The following CHRNB3 variants were observed in gnomAD, a reference collection of about 807,000 sequenced individuals.
The protein encoded by CHRNB3 is cholinergic receptor nicotinic beta 3 subunit.
CHRNB3 carries 37 observed loss-of-function variants against 40.6 expected under a neutral mutation model. The observed-to-expected ratio is 0.91, with a 90% CI of 0.70 to 1.20. CHRNB3 has a LOEUF of 1.20. Among genes scored for constraint, CHRNB3 ranks in the 50% most tolerant of loss-of-function variants. The probability of loss-of-function intolerance (pLI) is 0.00; values close to 1 mark genes in which losing one functional copy is unlikely to be tolerated. For missense variants in CHRNB3, 505 were observed against 551.2 expected, an observed-to-expected ratio of 0.92 and a Z score of 0.84; for synonymous variants, 207 against 207.1, an observed-to-expected ratio of 1.00 and a Z score of 0.00.
At chr8:42,734,077 G>A (rs1455383570) in intron 5 of CHRNB3, among the ~76,000 whole-genome samples, 1 of 150,694 alleles carries the variant, frequency 6.6e-6, no homozygotes, top group Non-Finnish European at 1.5e-5. Context: ...CCAACGTGGT[G>A]AAACCTGATC....
At position 42,708,634 on chromosome 8, in the gene CHRNB3, C is replaced by T. The variant is rs116163030; in HGVS notation, c.53-83C>T. On this transcript the variant is annotated intron_variant, in intron 1 of 5. Transcript: ENST00000289957. ...CAGACACAGCCTATGGTGCAGGAGG[C>T]CAAGGCCACAGGAGCCATGGGACAC... 3,102 of 1,484,876 alleles carry T rather than the reference C, an allele frequency of 2.1e-3. 58 individuals are homozygous for T. The African/African-American group carries it at 0.039, about 18-fold the overall frequency. The allele number at this position is 1,484,876 out of a possible 1,614,324, so 92.0% of individuals were successfully genotyped here.
At chr8:42,712,366 A>G (rs185375300) in intron 3 of CHRNB3, among the ~76,000 whole-genome samples, 1 of 152,158 alleles carries the variant, frequency 6.6e-6, no homozygotes, top group South Asian at 2.1e-4. Context: ...TCTTTCTGCT[A>G]ATGCTTTATA....
chr8:42,718,634 C>G (rs1163453815), intron 3 of CHRNB3, among the ~76,000 whole-genome samples: 1 of 134,390 alleles, frequency 7.4e-6, no homozygotes, highest in African/African-American at 2.8e-5. Flanking sequence ...GATGGCGCCA[C>G]TGCGCTCCAG....
intron 5 of CHRNB3, among the ~76,000 whole-genome samples, chr8:42,734,545 G>A (rs997704096): frequency 6.7e-6 from 1 of 150,214 alleles, no homozygotes; most frequent in African/African-American, 2.5e-5. Context: ...TCAGCCTCCC[G>A]AGTAGCTGGG....
At chr8:42,729,967 C>T (rs139970800) in intron 3 of CHRNB3, among the ~76,000 whole-genome samples, 93 of 152,210 alleles carry the variant, frequency 6.1e-4, no homozygotes, top group Non-Finnish European at 1.0e-3. Flanking sequence ...AATGTGTAAG[C>T]GCCTGGAGGC....
intron 1 of CHRNB3, among the ~76,000 whole-genome samples, chr8:42,703,056 G>A (rs1034466540): frequency 1.3e-5 from 2 of 152,042 alleles, no homozygotes; most frequent in African/African-American, 2.4e-5. Context: ...TGGCTTTATT[G>A]TCTTAGCTTC....
intron 2 of CHRNB3, among the ~76,000 whole-genome samples, chr8:42,709,669 C>G (rs977453941): frequency 6.6e-6 from 1 of 152,144 alleles, no homozygotes; most frequent in Non-Finnish European, 1.5e-5. Context: ...GACTCTGTTT[C>G]ACACAGGCTG....
intron 3 of CHRNB3, among the ~76,000 whole-genome samples, chr8:42,723,495 T>C (rs1176874567): frequency 6.6e-6 from 1 of 152,162 alleles, no homozygotes; most frequent in Non-Finnish European, 1.5e-5. Context: ...CATTTTAAGC[T>C]ACAGGTTTTC....
At chr8:42,734,072 G>C (rs1816474869) in intron 5 of CHRNB3, among the ~76,000 whole-genome samples, 1 of 150,630 alleles carries the variant, frequency 6.6e-6, no homozygotes, top group East Asian at 2.1e-4. Flanking sequence ...CCTGGCCAAC[G>C]TGGTGAAACC....
chr8:42,706,054 G>A (rs1815917873), intron 1 of CHRNB3: 1 of 152,210 alleles, frequency 6.6e-6, no homozygotes, highest in Non-Finnish European at 1.5e-5. Flanking sequence ...TCTACTGGAA[G>A]ATGAAGTACC....
At chr8:42,716,697 G>A (rs550709924) in intron 3 of CHRNB3, among the ~76,000 whole-genome samples, 4 of 152,098 alleles carry the variant, frequency 2.6e-5, no homozygotes, top group Non-Finnish European at 5.9e-5. Context: ...CTGACATGGT[G>A]CCGTGGTGGC....
In CHRNB3 at chr8:42,730,745, A is replaced by T. The variant is rs775156000; in HGVS notation, c.359+42A>T. 3.6e-6 allele frequency: 5 copies of T among 1,394,370 alleles called. No homozygotes were observed. The South Asian group carries it at 6.4e-5, about 18-fold the overall frequency. The allele number at this position is 1,394,370 out of a possible 1,614,324, so 86.4% of individuals were successfully genotyped here. ...TTCTTACTTATGGGGAAAAAAATAA[A>T]TTTTTTAAAAAGTGAAAAAAAGGCT... On this transcript the variant is annotated intron_variant, in intron 4 of 5. Transcript: ENST00000289957.
chr8:42,725,826 T>C, intron 3 of CHRNB3: 9 of 829,528 alleles, frequency 1.1e-5, no homozygotes, highest in Non-Finnish European at 1.9e-5. Flanking sequence ...TCACATAAGT[T>C]TCCACTATAC....
rs76467184 is a variant in CHRNB3 at position 42,731,835 on chromosome 8, T to C, written c.528T>C (p.Tyr176=). ...CCATGAAGTTTGGATCCTGGACTTA[T>C]GATGGCACCATGGTTGACCTCATTT... ...NCSMKFGSWT[Y]DGTMVDLILI... Residue 176 remains tyrosine, a synonymous_variant, in exon 5 of 6, where the codon TAT becomes TAC. Coordinates refer to ENST00000289957, the MANE Select transcript of CHRNB3 (RefSeq NM_000749.5). The C allele has an allele frequency of 2.0e-4, 325 of 1,614,106 alleles. 2 individuals are homozygous for C. Among genetic ancestry groups the C allele is most frequent in the Admixed American group, 1.9e-3 (111 of 59,998 alleles).
chr8:42,699,374 A>G (rs1278328373), intron 1 of CHRNB3: 2 of 152,328 alleles, frequency 1.3e-5, no homozygotes, highest in Admixed American at 6.5e-5. Flanking sequence ...GTGTTTATTC[A>G]TTCAATAAAT....
At position 42,736,503 on chromosome 8, in the gene CHRNB3, T is replaced by G; in HGVS notation, c.1262T>G (p.Phe421Cys). ...FISQVVQDWKFVAQVLDRIFL... is the reference protein window; with the variant it reads ...FISQVVQDWKCVAQVLDRIFL... ...TTGCAGGTAGTACAAGACTGGAAAT[T>G]TGTAGCTCAAGTTCTTGACCGAATC... The change falls in exon 6 of 6, where the codon TTT (phenylalanine) becomes TGT (cysteine). Residue 421 changes from phenylalanine to cysteine, a missense_variant. By Grantham distance (205) the Phe-to-Cys change is radical (BLOSUM62 -2). Transcript: ENST00000289957. 6.2e-7 allele frequency: 1 copy of G among 1,614,212 alleles called. No individual in the cohort carries two copies. The highest frequency in any genetic ancestry group is 8.5e-7 in the Non-Finnish European group (1 of 1,180,044).
At chr8:42,705,194 G>A (rs974936233) in intron 1 of CHRNB3, among the ~76,000 whole-genome samples, 2 of 152,130 alleles carry the variant, frequency 1.3e-5, no homozygotes, top group Admixed American at 6.6e-5. Context: ...ATGTGCCATA[G>A]GCCATTCCCA....
chr8:42,731,922 C>T lies in CHRNB3; in HGVS notation c.615C>T (p.Asn205=), dbSNP rs4952. 64,119 of 1,614,024 alleles carry T rather than the reference C, an allele frequency of 0.04. 1,728 individuals are homozygous for T. Among genetic ancestry groups the T allele is most frequent in the Middle Eastern group, 0.11 (645 of 6,062 alleles). The change falls in exon 5 of 6, where the codon AAC becomes AAT. Residue 205 remains asparagine, a synonymous_variant. Coordinates refer to ENST00000289957, the MANE Select transcript of CHRNB3 (RefSeq NM_000749.5). ...ATAACGGAGAATGGGAAATACTGAA[C>T]GCAAAGGGGATGAAGGGGAACAGAA... ...FFDNGEWEIL[N]AKGMKGNRRD...
Position 42,732,381 on chromosome 8 carries a change from C to G in CHRNB3, c.1074C>G (p.Ser358=), listed in dbSNP as rs1458803231. ...AAGATCATGTGGATCGCTACTCATC[C>G]CCAGAGAAAGAGGAGAGTCAACCAG... ...CMKDHVDRYS[S]PEKEESQPVV... The change falls in exon 5 of 6, where the codon TCC becomes TCG. Residue 358 remains serine, a synonymous_variant. Transcript: ENST00000289957. 12 of 1,613,604 alleles carry G rather than the reference C, an allele frequency of 7.4e-6. No homozygotes were observed. Among genetic ancestry groups the G allele is most frequent in the East Asian group, 2.2e-5 (1 of 44,888 alleles).
Sources: gnomAD v4.1 joint callset for allele counts (sites outside exome capture counted in the v4.1 genomes callset) on GRCh38, gnomAD v4.1.1 for gene constraint, MANE v1.5 for transcripts, NCBI Gene and HGNC (gene_info 2026-07-23, HGNC 2026-07-21) for gene names.